The following NT5C1A variants were observed in gnomAD, a reference collection of about 807,000 sequenced individuals.
NT5C1A encodes 5'-nucleotidase, cytosolic IA, also known as cytosolic 5'-nucleotidase 1A.
In NT5C1A, 18 loss-of-function variants were observed where a neutral mutation model predicts 31.0. The ratio of observed to expected loss-of-function variants is 0.58; its 90% confidence interval spans 0.40 to 0.86. The LOEUF (loss-of-function observed/expected upper bound fraction) is 0.86. Ranked by LOEUF, NT5C1A falls within the 40% of genes least tolerant of loss-of-function variation. NT5C1A has a pLI of 0.00. For missense variants in NT5C1A, 470 were observed against 505.4 expected (o/e 0.93, Z 0.67); for synonymous variants, 185 against 203.6 (o/e 0.91, Z 0.78).
intron 1 of NT5C1A, 138 bp from the exon 2 acceptor site, chr1:39,666,374 C>T: frequency 1.3e-6 from 1 of 783,664 alleles, no homozygotes; most frequent in East Asian, 2.7e-5. Context: ...CAGCCTTGAG[C>T]AGATGTGGAC....
chr1:39,671,938 T>C lies in NT5C1A; in HGVS notation c.101A>G (p.Tyr34Cys), dbSNP rs140498973. 1.4e-5 allele frequency: 23 copies of C among 1,613,238 alleles called. No individual in the cohort carries two copies. In the African/African-American group the frequency reaches 2.9e-4, roughly 21 times the overall value. Residue 34 changes from tyrosine (Y) to cysteine (C), a missense_variant, in exon 1 of 6, where the codon TAC becomes TGC. Coordinates refer to ENST00000235628, the MANE Select transcript of NT5C1A (RefSeq NM_032526.3). ...TTTCTTCTTGGGCGCGAGGTTGTCG[T>C]AGAAAATCTTGGCTTCCTCCCAGAC... ...APVWEEAKIF[Y>C]DNLAPKKKPK...
intron 3 of NT5C1A, among the ~76,000 whole-genome samples, 170 bp from the exon 4 acceptor site, chr1:39,663,604 G>A (rs1646503322): frequency 6.6e-6 from 1 of 152,138 alleles, no homozygotes; most frequent in Non-Finnish European, 1.5e-5. Flanking sequence ...CATCCTTCAT[G>A]AAATGAGGAC....
chr1:39,670,058 TATAAC>T (rs1380106240), intron 1 of NT5C1A, among the ~76,000 whole-genome samples: 20 of 152,362 alleles, frequency 1.3e-4, no homozygotes, highest in South Asian at 2.1e-4. Flanking sequence ...TGGTACCAGA[TATAAC>T]ATATATAATT....
rs1489957418 is a variant in NT5C1A at position 39,672,005 on chromosome 1, G to A, written c.34C>T (p.Pro12Ser). Residue 12 changes from proline to serine, a missense_variant, in exon 1 of 6, where the codon CCC becomes TCC. Transcript: ENST00000235628. ...EPGQPREPQEPREPGPGAETA... is the reference protein window; with the variant it reads ...EPGQPREPQESREPGPGAETA... ...TCCGCTCCTGGCCCGGGCTCGCGGGGCTCCTGGGGCTCCCGGGGCTGCCCA... is the reference window on the plus strand; with the variant it reads ...TCCGCTCCTGGCCCGGGCTCGCGGGACTCCTGGGGCTCCCGGGGCTGCCCA... 3 of 1,606,426 alleles carry A rather than the reference G, an allele frequency of 1.9e-6. No homozygotes were observed. The highest frequency in any genetic ancestry group is 4.5e-5 in the East Asian group (2 of 44,770).
chr1:39,668,818 T>A (rs1646535906), intron 1 of NT5C1A, among the ~76,000 whole-genome samples: 1 of 152,204 alleles, frequency 6.6e-6, no homozygotes. Flanking sequence ...GGCAGGACTG[T>A]GCATCCCCAC....
At chr1:39,671,844 T>C (rs1295135092) in intron 1 of NT5C1A, 60 bp downstream of exon 1, 1 of 1,601,150 alleles carries the variant, frequency 6.2e-7, no homozygotes, top group Non-Finnish European at 8.5e-7. Flanking sequence ...AAGAGACTTA[T>C]GACCCCTCCT....
In NT5C1A at chr1:39,657,633, T is replaced by C. The variant is rs543479739; in HGVS notation, c.*1488A>G. On this transcript the variant is annotated 3_prime_UTR_variant, in exon 6 of 6. Transcript: ENST00000235628. ...AGGGATGCTCAGCAAAGGAGGAGGC[T>C]GACTCATCAAGCGGTGAGAGTTCTC... Among the ~76,000 whole-genome samples the C allele has an allele frequency of 6.6e-6, 1 of 152,308 alleles. No homozygotes were observed. The highest frequency in any genetic ancestry group is 2.4e-5 in the African/African-American group (1 of 41,566).
In NT5C1A at chr1:39,655,837, G is replaced by A. The variant is rs78518038; in HGVS notation, c.*3284C>T. ...CGAGGAGACATTCAGGGGACTCAGC[G>A]CAGCATTATCTACCAACTGCTATGG... is the stretch of plus-strand genomic sequence containing the variant. On this transcript the variant is annotated 3_prime_UTR_variant, in exon 6 of 6. Transcript: ENST00000235628. Among the ~76,000 whole-genome samples the A allele has an allele frequency of 9.2e-5, 14 of 152,194 alleles. No individual in the cohort carries two copies. The highest frequency in any genetic ancestry group is 3.1e-4 in the African/African-American group (13 of 41,536).
Position 39,671,968 on chromosome 1 carries a change from G to C in NT5C1A, c.71C>G (p.Ala24Gly). 6.2e-7 allele frequency: 1 copy of C among 1,612,160 alleles called. No homozygotes were observed. The highest frequency in any genetic ancestry group is 1.1e-5 in the South Asian group (1 of 91,080). ...EPGPGAETAA[A>G]PVWEEAKIFY... ...AATCTTGGCTTCCTCCCAGACCGGG[G>C]CCGCAGCGGTCTCCGCTCCTGGCCC... is the stretch of plus-strand genomic sequence containing the variant. Residue 24 changes from alanine to glycine, a missense_variant, in exon 1 of 6, where the codon GCC becomes GGC. Transcript: ENST00000235628.
intron 1 of NT5C1A, 53 bp from the exon 2 acceptor site, chr1:39,666,289 G>T (rs1213580712): frequency 6.4e-7 from 1 of 1,574,500 alleles, no homozygotes; most frequent in Admixed American, 1.7e-5. Flanking sequence ...CCCTGAGGCA[G>T]GCTCACATGT....
rs560090844 is a variant in NT5C1A, at chr1:39,658,987, T to C, written c.*134A>G. ...ACCCGTCTGCATAATTTCCTACAAG[T>C]ACATCACTCATAGGGATGAGGGCAG... On this transcript the variant is annotated 3_prime_UTR_variant, in exon 6 of 6. Coordinates refer to ENST00000235628, the MANE Select transcript of NT5C1A (RefSeq NM_032526.3). 31 of 1,243,448 alleles carry C rather than the reference T, an allele frequency of 2.5e-5. No individual in the cohort carries two copies. The South Asian group carries it at 3.9e-4, about 16-fold the overall frequency. 77.0% of individuals were successfully genotyped at this position (1,243,448 alleles called of 1,614,324 possible).
In NT5C1A at chr1:39,665,657, A is replaced by G. The variant is rs755193430; in HGVS notation, c.304-7T>C. ...TGTTCACGGCCTCCAGAGCCTGGAA[A>G]GGAGAGGGCACCCCCCAGCTTAGAC... is the stretch of plus-strand genomic sequence containing the variant. On this transcript the variant is annotated splice_region_variant and splice_polypyrimidine_tract_variant and intron_variant, in intron 2 of 5. Coordinates refer to ENST00000235628, the MANE Select transcript of NT5C1A (RefSeq NM_032526.3). 2.5e-6 allele frequency: 4 copies of G among 1,612,638 alleles called. No homozygotes were observed. The highest frequency in any genetic ancestry group is 2.5e-6 in the Non-Finnish European group (3 of 1,179,710).
Position 39,661,125 on chromosome 1 carries a change from C to T in NT5C1A, c.695G>A (p.Arg232Gln), listed in dbSNP as rs1049775257. Residue 232 changes from arginine to glutamine, a missense_variant, in exon 5 of 6, where the codon CGA becomes CAA. Transcript: ENST00000235628. ...GTGGGCCTTCTCATGCTCGAAGAATCGGTCCAGCCCGTGGGCCTTGACGAT... is the reference window on the plus strand; with the variant it reads ...GTGGGCCTTCTCATGCTCGAAGAATTGGTCCAGCCCGTGGGCCTTGACGAT... ...ERIVKAHGLDRFFEHEKAHEN... is the reference protein window; with the variant it reads ...ERIVKAHGLDQFFEHEKAHEN... The T allele has an allele frequency of 1.9e-5, 31 of 1,591,972 alleles. No homozygotes were observed. Among genetic ancestry groups the T allele is most frequent in the East Asian group, 2.3e-5 (1 of 44,394 alleles).
chr1:39,659,501 G>A lies in NT5C1A; in HGVS notation c.742-15C>T. ...TTTAAGGGGCCCTATGAGAAGGCAA[G>A]GGGAACATTGTTAGCTCTACCACCT... On this transcript the variant is annotated splice_polypyrimidine_tract_variant and intron_variant, in intron 5 of 5. Coordinates refer to ENST00000235628, the MANE Select transcript of NT5C1A (RefSeq NM_032526.3). The A allele has an allele frequency of 3.2e-6, 5 of 1,540,388 alleles. No homozygotes were observed. The highest frequency in any genetic ancestry group is 4.4e-6 in the Non-Finnish European group (5 of 1,143,380).
At chr1:39,664,319 A>C (rs1436164056) in intron 3 of NT5C1A, among the ~76,000 whole-genome samples, 1 of 149,572 alleles carries the variant, frequency 6.7e-6, no homozygotes, top group Non-Finnish European at 1.5e-5. Flanking sequence ...TGCCCGGCTA[A>C]ATTTTTTTGT....
In NT5C1A at chr1:39,664,490, C is replaced by CCTCCTCCTCCTCTCCT. The variant is rs1553485420; in HGVS notation, c.433+1030_433+1031insAGGAGAGGAGGAGGAG. On this transcript the variant is annotated intron_variant, in intron 3 of 5. Transcript: ENST00000235628. Reference sequence around the variant, plus strand: ...CTCTCTCTCCCCAGAGTGGATTTCTCCTCCTCTCCTCTCCTCTCCTCTCCT... The same window carrying CCTCCTCCTCCTCTCCT: ...CTCTCTCTCCCCAGAGTGGATTTCTCCTCCTCCTCCTCTCCTCTCCTCTCCTCTCCTCTCCTCTCCT... Among the ~76,000 whole-genome samples the CCTCCTCCTCCTCTCCT allele has an allele frequency of 6.9e-4, 2 of 2,900 alleles. 1 individual carries two copies. The highest frequency in any genetic ancestry group is 0.016 in the East Asian group (2 of 128). 1.9% of individuals were successfully genotyped at this position (2,900 alleles called of 152,430 possible).
rs968446416 is a variant in NT5C1A, at chr1:39,653,265, G to T, written c.*5856C>A. 1.3e-5 allele frequency among the ~76,000 whole-genome samples: 2 copies of T among 151,588 alleles called. No homozygotes were observed. The highest frequency in any genetic ancestry group is 3.4e-3 in the Middle Eastern group (1 of 292). The stretch of plus-strand genomic sequence containing the variant: ...TCGGTGGCCCCCAAGCTGCACATAC[G>T]CAAATGCCCATGTTATGATGGAAAT... On this transcript the variant is annotated 3_prime_UTR_variant, in exon 6 of 6. Transcript: ENST00000235628.
intron 3 of NT5C1A, among the ~76,000 whole-genome samples, chr1:39,664,490 C>CCTCTCCCTCTCCTCTCCT (rs1553485417): frequency 3.5e-4 from 1 of 2,894 alleles, no homozygotes; most frequent in Non-Finnish European, 6.1e-4. Flanking sequence ...GTGGATTTCT[C>CCTCTCCCTCTCCTCTCCT]CTCCTCTCCT....
chr1:39,661,367 G>A, intron 4 of NT5C1A, 104 bp from the exon 5 acceptor site: 1 of 551,344 alleles, frequency 1.8e-6, no homozygotes, highest in East Asian at 2.7e-5. Context: ...ACAGGACTCA[G>A]GGCAAGGCTG....
Sources: allele counts gnomAD v4.1 joint callset (sites outside exome capture counted in the v4.1 genomes callset), GRCh38; gene constraint gnomAD v4.1.1; transcripts MANE v1.5; gene names NCBI Gene and HGNC (gene_info 2026-07-23, HGNC 2026-07-21).